Variants in SRGAP3 observed in about 807,000 individuals in gnomAD.
The protein encoded by SRGAP3 is SLIT-ROBO Rho GTPase-activating protein 3.
A neutral mutation model predicts 121.1 loss-of-function variants in SRGAP3; 39 were observed. That is an observed-to-expected ratio of 0.32 (90% CI 0.25 to 0.42). The LOEUF is 0.42. Ranked by LOEUF, SRGAP3 falls within the 10% of genes least tolerant of loss-of-function variation. The pLI is 1.00. For synonymous variants in SRGAP3, 601 were observed against 570.0 expected (o/e 1.05, Z -0.77); for missense variants, 1,213 against 1,470.6 (o/e 0.82, Z 2.86).
chr3:9,309,140 C>A (rs549053198), intron 3 of SRGAP3, among the ~76,000 whole-genome samples: 1 of 152,296 alleles, frequency 6.6e-6, no homozygotes, highest in South Asian at 2.1e-4. Context: ...CCAGGCAAGA[C>A]AACTGAATGA....
chr3:9,295,088 T>A (rs1954930801), intron 3 of SRGAP3, among the ~76,000 whole-genome samples: 1 of 152,108 alleles, frequency 6.6e-6, no homozygotes, highest in Non-Finnish European at 1.5e-5. Flanking sequence ...CTTATTAGAT[T>A]TAGCTAATTA....
intron 9 of SRGAP3, among the ~76,000 whole-genome samples, chr3:9,052,601 C>A (rs898213641): frequency 6.6e-6 from 1 of 152,228 alleles, no homozygotes. Context: ...GAAGGGCTAG[C>A]AACTCAAGAG....
chr3:9,013,728 G>A lies in SRGAP3; in HGVS notation c.1919+9C>T. On this transcript the variant is annotated intron_variant, in intron 16 of 21. Coordinates refer to ENST00000383836, the MANE Select transcript of SRGAP3 (RefSeq NM_014850.4). The stretch of plus-strand genomic sequence containing the variant: ...GAGTCAAAAAGGGGCCCCTTGGCCA[G>A]ACACTCACTGGTTGAGGAAAGCGAA... The A allele has an allele frequency of 6.2e-7, 1 of 1,614,088 alleles. No individual in the cohort carries two copies. Among genetic ancestry groups the A allele is most frequent in the Non-Finnish European group, 8.5e-7 (1 of 1,179,938 alleles).
intron 1 of SRGAP3, among the ~76,000 whole-genome samples, chr3:9,350,590 T>C (rs2030078360): frequency 6.6e-6 from 1 of 152,242 alleles, no homozygotes; most frequent in Non-Finnish European, 1.5e-5. Context: ...TGAAGAAATA[T>C]GCTTCCACAT....
chr3:9,074,651 C>T (rs1368650831), intron 4 of SRGAP3, among the ~76,000 whole-genome samples: 1 of 152,220 alleles, frequency 6.6e-6, no homozygotes, highest in Non-Finnish European at 1.5e-5. Context: ...AGAACTCAGG[C>T]TCCTGGGCTC....
chr3:9,042,877 T>C (rs1455696576), intron 10 of SRGAP3, among the ~76,000 whole-genome samples: 1 of 152,114 alleles, frequency 6.6e-6, no homozygotes, highest in East Asian at 1.9e-4. Context: ...ACTCAACAAG[T>C]TACAATACCC....
intron 14 of SRGAP3, 50 bp from the exon 15 acceptor site, chr3:9,015,781 G>A (rs759399485): frequency 5.0e-6 from 8 of 1,611,436 alleles, no homozygotes; most frequent in Middle Eastern, 1.6e-4. Flanking sequence ...GAAGGAGTCA[G>A]AGAACGTGCA....
At position 9,047,618 on chromosome 3, in the gene SRGAP3, C is replaced by T. The variant is rs185599723; in HGVS notation, c.1324-143G>A. On this transcript the variant is annotated intron_variant, in intron 9 of 21. Transcript: ENST00000383836. ...ACCCCGGCGCAGGGAACAGAGAGGC[C>T]TCTGCATCTGCGTCTTTGCTTTCCT... 81 of 784,422 alleles carry T rather than the reference C, an allele frequency of 1.0e-4. No homozygotes were observed. The East Asian group carries it at 2.1e-3, about 20-fold the overall frequency. 48.6% of individuals were successfully genotyped at this position (784,422 alleles called of 1,614,324 possible).
intron 1 of SRGAP3, among the ~76,000 whole-genome samples, chr3:9,203,758 T>C (rs1952156068): frequency 6.6e-6 from 1 of 152,218 alleles, no homozygotes. Flanking sequence ...GGGAACTAAT[T>C]AAGTAATAAA....
intron 3 of SRGAP3, among the ~76,000 whole-genome samples, chr3:9,308,949 C>T (rs1955199979): frequency 6.6e-6 from 1 of 152,192 alleles, no homozygotes; most frequent in South Asian, 2.1e-4. Flanking sequence ...ACCAGGCATC[C>T]TGATATTCAC....
chr3:8,986,889 G>T (rs1342839069), intron 21 of SRGAP3, among the ~76,000 whole-genome samples: 1 of 152,160 alleles, frequency 6.6e-6, no homozygotes, highest in Non-Finnish European at 1.5e-5. Flanking sequence ...TGCCACCCAG[G>T]GCAGCCCGGG....
intron 12 of SRGAP3, among the ~76,000 whole-genome samples, chr3:9,028,385 C>T (rs1187278651): frequency 6.6e-6 from 1 of 152,168 alleles, no homozygotes; most frequent in African/African-American, 2.4e-5. Flanking sequence ...CCCTCCCAGA[C>T]ACCAGCTGAC....
At chr3:9,058,012 A>G (rs1451659133) in intron 7 of SRGAP3, among the ~76,000 whole-genome samples, 1 of 152,174 alleles carries the variant, frequency 6.6e-6, no homozygotes, top group African/African-American at 2.4e-5. Flanking sequence ...TCTTCTAGAC[A>G]TAGCTGGGAG....
intron 1 of SRGAP3, among the ~76,000 whole-genome samples, chr3:9,177,248 G>T (rs568401361): frequency 6.6e-6 from 1 of 152,346 alleles, no homozygotes; most frequent in South Asian, 2.1e-4. Context: ...CTCCATTCTG[G>T]TGAGAGAGAC....
intron 3 of SRGAP3, among the ~76,000 whole-genome samples, chr3:9,096,994 C>CAT (rs1220838130): frequency 9.3e-5 from 10 of 107,776 alleles, no homozygotes; most frequent in South Asian, 3.1e-4. Context: ...CATACACACA[C>CAT]ATATATATAT....
chr3:9,243,197 G>A (rs1385966069), intron 1 of SRGAP3, among the ~76,000 whole-genome samples: 2 of 152,158 alleles, frequency 1.3e-5, no homozygotes, highest in African/African-American at 2.4e-5. Context: ...GGAAGGCATC[G>A]TGGAAGAAGG....
intron 3 of SRGAP3, among the ~76,000 whole-genome samples, chr3:9,319,042 G>GA (rs1955398390): frequency 6.6e-6 from 1 of 151,740 alleles, no homozygotes; most frequent in South Asian, 2.1e-4. Context: ...CTTAAAAGGG[G>GA]AAAAAATACA....
At position 9,221,402 on chromosome 3, in the gene SRGAP3, T is replaced by C. The variant is rs148359976; in HGVS notation, c.67+27483A>G. 7.9e-5 allele frequency among the ~76,000 whole-genome samples: 12 copies of C among 152,190 alleles called. No individual in the cohort carries two copies. In the East Asian group the frequency reaches 2.1e-3, roughly 27 times the overall value. On this transcript the variant is annotated intron_variant, in intron 1 of 21. Coordinates refer to ENST00000383836, the MANE Select transcript of SRGAP3 (RefSeq NM_014850.4). The stretch of plus-strand genomic sequence containing the variant: ...TTTAAAAGTTAGCCAGGCCTGGTGG[T>C]GGTGCACGCCTGTAGTCCCAGCTAC...
chr3:9,330,747 G>C (rs913693409), intron 1 of SRGAP3, among the ~76,000 whole-genome samples: 4 of 152,116 alleles, frequency 2.6e-5, no homozygotes, highest in African/African-American at 9.7e-5. Context: ...AGACAAAAAA[G>C]GTAAAGTGAC....
Sources: allele counts gnomAD v4.1 joint callset (sites outside exome capture counted in the v4.1 genomes callset), GRCh38; gene constraint gnomAD v4.1.1; transcripts MANE v1.5; gene names NCBI Gene and HGNC (gene_info 2026-07-23, HGNC 2026-07-21).